Variants in RPL39L observed in about 807,000 individuals in gnomAD.
The protein encoded by RPL39L is ribosomal protein eL39-like 2.
For missense variants in RPL39L, 48 were observed against 58.9 expected (o/e 0.81, Z 0.61); for synonymous variants, 16 against 20.1 (o/e 0.80, Z 0.55).
At chr3:187,121,458 T>C (rs1720308482) in intron 2 of RPL39L, 130 bp from the exon 3 acceptor site, 2 of 882,220 alleles carry the variant, frequency 2.3e-6, no homozygotes, top group African/African-American at 3.4e-5. Flanking sequence ...CCACTCAGGA[T>C]CCCACAGGCA....
intron 1 of RPL39L, among the ~76,000 whole-genome samples, chr3:187,129,867 C>A (rs1170608738): frequency 7.0e-6 from 1 of 142,368 alleles, no homozygotes; most frequent in African/African-American, 2.8e-5. Context: ...TTCTTTTTTG[C>A]CTTTGTGAGA....
At chr3:187,132,104 T>C (rs1371257119) in intron 1 of RPL39L, among the ~76,000 whole-genome samples, 2 of 151,840 alleles carry the variant, frequency 1.3e-5, no homozygotes, top group Admixed American at 1.3e-4. Context: ...GTTGCAGGGG[T>C]CACAAACACT....
At chr3:187,128,644 G>T (rs1720437984) in intron 1 of RPL39L, among the ~76,000 whole-genome samples, 1 of 152,030 alleles carries the variant, frequency 6.6e-6, no homozygotes, top group Admixed American at 6.6e-5. Context: ...TGAATAGCTG[G>T]GACTACAGGT....
chr3:187,121,913 C>T (rs1720316891), intron 2 of RPL39L, among the ~76,000 whole-genome samples: 1 of 152,200 alleles, frequency 6.6e-6, no homozygotes, highest in African/African-American at 2.4e-5. Context: ...TAACCCTTTA[C>T]ATTTGGAGGT....
At chr3:187,133,811 T>C (rs1720526243) in intron 1 of RPL39L, among the ~76,000 whole-genome samples, 1 of 152,002 alleles carries the variant, frequency 6.6e-6, no homozygotes, top group South Asian at 2.1e-4. Flanking sequence ...TTAGAGGAAA[T>C]CGAACCTGGT....
intron 1 of RPL39L, among the ~76,000 whole-genome samples, chr3:187,137,706 CAAT>C (rs981278219): frequency 2.0e-5 from 3 of 150,756 alleles, no homozygotes; most frequent in African/African-American, 7.3e-5. Flanking sequence ...ACAGCTACCA[CAAT>C]CCCAGCTACT....
chr3:187,137,867 C>T (rs116414792), intron 1 of RPL39L, among the ~76,000 whole-genome samples: 1 of 151,702 alleles, frequency 6.6e-6, no homozygotes, highest in African/African-American at 2.4e-5. Context: ...AGCTGGTGTG[C>T]GTTTTAACAT....
At position 187,134,483 on chromosome 3, in the gene RPL39L, T is replaced by TAAAAAAAAAAAAAAAAAAAAA. The variant is rs72169562; in HGVS notation, c.-93+4729_-93+4730insTTTTTTTTTTTTTTTTTTTTT. On this transcript the variant is annotated intron_variant, in intron 1 of 2. Coordinates refer to ENST00000296277, the MANE Select transcript of RPL39L (RefSeq NM_052969.3). The stretch of plus-strand genomic sequence containing the variant: ...GCCCAAACTACTTTAGCCTGACTGA[T>TAAAAAAAAAAAAAAAAAAAAA]AAAAAAAAAAAAAAAAAAAGAAGAC... Among the ~76,000 whole-genome samples the TAAAAAAAAAAAAAAAAAAAAA allele has an allele frequency of 1.4e-3, 126 of 93,308 alleles. 4 individuals carry two copies. Among genetic ancestry groups the TAAAAAAAAAAAAAAAAAAAAA allele is most frequent in the African/African-American group, 5.0e-3 (118 of 23,482 alleles). 61.2% of individuals were successfully genotyped at this position (93,308 alleles called of 152,430 possible).
chr3:187,138,993 G>A (rs1720636988), intron 1 of RPL39L, among the ~76,000 whole-genome samples: 1 of 151,710 alleles, frequency 6.6e-6, no homozygotes, highest in South Asian at 2.1e-4. Flanking sequence ...CGGAGGCGGA[G>A]GTTGCAGTGA....
intron 1 of RPL39L, among the ~76,000 whole-genome samples, chr3:187,135,491 G>T (rs1720559709): frequency 6.6e-6 from 1 of 152,182 alleles, no homozygotes; most frequent in Admixed American, 6.5e-5. Flanking sequence ...TGTCATCCAT[G>T]TAAGATGTGA....
At chr3:187,137,822 A>T (rs1275417370) in intron 1 of RPL39L, among the ~76,000 whole-genome samples, 2 of 54,182 alleles carry the variant, frequency 3.7e-5, no homozygotes, top group Non-Finnish European at 2.9e-5. Flanking sequence ...ACTCCGTCTC[A>T]AAAAAAAAAA....
intron 2 of RPL39L, 40 bp from the exon 3 acceptor site, chr3:187,121,368 A>G: frequency 1.4e-5 from 22 of 1,550,064 alleles, no homozygotes; most frequent in Non-Finnish European, 2.0e-5. Context: ...AGACAATATT[A>G]CCATAGGATA....
At chr3:187,133,313 G>A (rs542192083) in intron 1 of RPL39L, among the ~76,000 whole-genome samples, 1 of 152,248 alleles carries the variant, frequency 6.6e-6, no homozygotes, top group South Asian at 2.1e-4. Context: ...TTTCCCCCGT[G>A]CTGTTCTTGT....
chr3:187,132,706 G>A (rs1436154326), intron 1 of RPL39L, among the ~76,000 whole-genome samples: 2 of 152,172 alleles, frequency 1.3e-5, no homozygotes, highest in African/African-American at 4.8e-5. Context: ...AACCTAGAAA[G>A]AGCATCGCTC....
chr3:187,130,544 C>A (rs1237465229), intron 1 of RPL39L, among the ~76,000 whole-genome samples: 1 of 152,170 alleles, frequency 6.6e-6, no homozygotes, highest in Admixed American at 6.5e-5. Context: ...TGCCATGTGA[C>A]GTGCCTGCTC....
At chr3:187,130,108 T>C (rs1720461836) in intron 1 of RPL39L, among the ~76,000 whole-genome samples, 1 of 152,216 alleles carries the variant, frequency 6.6e-6, no homozygotes, top group Non-Finnish European at 1.5e-5. Flanking sequence ...GCCAAATGCT[T>C]TGAATATTCT....
At chr3:187,124,235 G>A (rs970085769) in intron 2 of RPL39L, among the ~76,000 whole-genome samples, 12 of 152,262 alleles carry the variant, frequency 7.9e-5, no homozygotes, top group African/African-American at 2.9e-4. Context: ...TCTAGAGGCT[G>A]CAAATACAGT....
chr3:187,122,326 A>G (rs1720324060), intron 2 of RPL39L, among the ~76,000 whole-genome samples: 1 of 152,212 alleles, frequency 6.6e-6, no homozygotes, highest in Admixed American at 6.5e-5. Context: ...TGATGGCAGT[A>G]AAGTCTTACT....
Position 187,121,331 on chromosome 3 carries a change from A to G in RPL39L, c.-28-3T>C, listed in dbSNP as rs200656836. 2.5e-6 allele frequency: 4 copies of G among 1,612,230 alleles called. No individual in the cohort carries two copies. ...GAAACAGAGTCAACCACACACCACT[A>G]TGGCGGAGAAAGGGAGAGAGAGACA... On this transcript the variant is annotated splice_polypyrimidine_tract_variant and splice_region_variant and intron_variant, in intron 2 of 2. Transcript: ENST00000296277.
Sources: allele counts gnomAD v4.1 joint callset (sites outside exome capture counted in the v4.1 genomes callset), GRCh38; gene constraint gnomAD v4.1.1; transcripts MANE v1.5; gene names NCBI Gene and HGNC (gene_info 2026-07-23, HGNC 2026-07-21).